The following BRINP1 variants were observed in gnomAD, a reference collection of about 807,000 sequenced individuals.
BRINP1 encodes the protein BMP/retinoic acid-inducible neural-specific protein 1.
Under a neutral mutation model 72.9 loss-of-function variants are expected in BRINP1, and 17 were observed. That is an observed-to-expected ratio of 0.23 (90% CI 0.16 to 0.35). BRINP1 has a LOEUF of 0.35. Ranked by LOEUF, BRINP1 falls within the 10% of genes least tolerant of loss-of-function variation. The pLI, the probability that BRINP1 is intolerant of heterozygous loss-of-function variation, is 1.00. For missense variants in BRINP1, 850 were observed against 1,001.6 expected (o/e 0.85, Z 2.04); for synonymous variants, 418 against 378.5 (o/e 1.10, Z -1.21).
chr9:119,309,093 A>T (rs1364220734), intron 2 of BRINP1, among the ~76,000 whole-genome samples: 4 of 152,214 alleles, frequency 2.6e-5, no homozygotes, highest in Non-Finnish European at 5.9e-5. Flanking sequence ...AACAACCAAC[A>T]TCTGAAGTGG....
Position 119,316,877 on chromosome 9 carries a change from G to A in BRINP1, c.-50-3472C>T, listed in dbSNP as rs143425801. On this transcript the variant is annotated intron_variant, in intron 1 of 7. Transcript: ENST00000265922. ...TCTTATTGAGAAATACATTTCATGA[G>A]GTCAAGAGATCGAGACTATCCTGGC... Among the ~76,000 whole-genome samples, 21 of 152,060 alleles carry A rather than the reference G, an allele frequency of 1.4e-4. No individual in the cohort carries two copies. The East Asian group carries it at 3.3e-3, about 24-fold the overall frequency.
rs56106482 is a variant in BRINP1 at position 119,206,419 on chromosome 9, C to CAAAA, written c.1145+2296_1145+2299dup. Among the ~76,000 whole-genome samples the CAAAA allele has an allele frequency of 2.6e-3, 230 of 87,080 alleles. 5 individuals carry two copies. Among genetic ancestry groups the CAAAA allele is most frequent in the African/African-American group, 9.0e-3 (207 of 23,038 alleles). The allele number at this position is 87,080 out of a possible 152,430, so 57.1% of individuals were successfully genotyped here. ...TGGGCAACAAAGCGAGACTCCATCT[C>CAAAA]AAAAAAAAAAAAAAAAAAAAAAGAG... is the stretch of plus-strand genomic sequence containing the variant. On this transcript the variant is annotated intron_variant, in intron 7 of 7. Transcript: ENST00000265922.
chr9:119,369,192 C>T lies in BRINP1; in HGVS notation c.-187G>A. ...GGACTGCAGGCGTGGGGGTACCTGG[C>T]TCCTAGCAGCCTGGCTCATACTCAG... On this transcript the variant is annotated 5_prime_UTR_variant, in exon 1 of 8. Transcript: ENST00000265922. 2.5e-6 allele frequency: 1 copy of T among 398,788 alleles called. No individual in the cohort carries two copies. Among genetic ancestry groups the T allele is most frequent in the Non-Finnish European group, 4.4e-6 (1 of 226,192 alleles). 24.7% of individuals were successfully genotyped at this position (398,788 alleles called of 1,614,324 possible).
chr9:119,261,051 C>T (rs960890349), intron 2 of BRINP1, among the ~76,000 whole-genome samples: 4 of 152,010 alleles, frequency 2.6e-5, no homozygotes, highest in Non-Finnish European at 5.9e-5. Flanking sequence ...CTCAAAATTA[C>T]ACTCAATAAA....
intron 2 of BRINP1, among the ~76,000 whole-genome samples, chr9:119,256,355 T>A (rs1276029275): frequency 6.6e-6 from 1 of 152,218 alleles, no homozygotes; most frequent in Non-Finnish European, 1.5e-5. Flanking sequence ...ACAATCATGC[T>A]CTTTTAAAAT....
In BRINP1 at chr9:119,364,964, T is replaced by A. The variant is rs141857254; in HGVS notation, c.-51+4092A>T. Among the ~76,000 whole-genome samples the A allele has an allele frequency of 2.5e-3, 379 of 152,330 alleles. 2 individuals are homozygous for A. Among genetic ancestry groups the A allele is most frequent in the African/African-American group, 8.6e-3 (357 of 41,572 alleles). ...TGAGAGACAGAGAGAGAGATGACAG[T>A]TGCTATTGAGATGCAACAGGAAATG... On this transcript the variant is annotated intron_variant, in intron 1 of 7. Coordinates refer to ENST00000265922, the MANE Select transcript of BRINP1 (RefSeq NM_014618.3).
intron 6 of BRINP1, among the ~76,000 whole-genome samples, chr9:119,212,949 C>G (rs558961770): frequency 6.6e-6 from 1 of 152,154 alleles, no homozygotes; most frequent in African/African-American, 2.4e-5. Context: ...TGTAGACAAT[C>G]TAACATCAAG....
At chr9:119,220,560 G>A (rs1206067175) in intron 5 of BRINP1, among the ~76,000 whole-genome samples, 2 of 152,070 alleles carry the variant, frequency 1.3e-5, no homozygotes, top group East Asian at 3.9e-4. Context: ...GAGGTTTAAT[G>A]CATGCTTCCC....
chr9:119,340,758 T>C (rs530163807), intron 1 of BRINP1, among the ~76,000 whole-genome samples: 10 of 152,320 alleles, frequency 6.6e-5, no homozygotes, highest in African/African-American at 2.2e-4. Flanking sequence ...TTGTGATTCA[T>C]GTTCATTCCT....
At chr9:119,200,773 G>C (rs545814366) in intron 7 of BRINP1, among the ~76,000 whole-genome samples, 1 of 152,132 alleles carries the variant, frequency 6.6e-6, no homozygotes, top group South Asian at 2.1e-4. Flanking sequence ...TCAATGCAGG[G>C]ACCATGTTCT....
chr9:119,224,108 A>G (rs1263585735), intron 5 of BRINP1, among the ~76,000 whole-genome samples: 1 of 152,106 alleles, frequency 6.6e-6, no homozygotes, highest in Non-Finnish European at 1.5e-5. Flanking sequence ...CCAGTTCTAT[A>G]CTGGATGCTA....
chr9:119,253,567 A>C (rs780609694), intron 2 of BRINP1, among the ~76,000 whole-genome samples: 2 of 152,156 alleles, frequency 1.3e-5, no homozygotes, highest in Non-Finnish European at 2.9e-5. Context: ...CCTCGTGAAG[A>C]TAGAGAGTGA....
intron 2 of BRINP1, among the ~76,000 whole-genome samples, chr9:119,259,147 A>G (rs1428758370): frequency 1.3e-5 from 2 of 152,158 alleles, no homozygotes; most frequent in Non-Finnish European, 2.9e-5. Flanking sequence ...TCCTTTCACA[A>G]AGACATTCTG....
chr9:119,318,827 G>T (rs1477044849), intron 1 of BRINP1, among the ~76,000 whole-genome samples: 1 of 143,748 alleles, frequency 7.0e-6, no homozygotes, highest in Admixed American at 7.4e-5. Flanking sequence ...GGTCATACAT[G>T]GAAGAGAAAT....
intron 5 of BRINP1, among the ~76,000 whole-genome samples, chr9:119,229,895 A>G (rs528186462): frequency 1.2e-4 from 18 of 152,226 alleles, no homozygotes; most frequent in Non-Finnish European, 2.5e-4. Flanking sequence ...CAGTGTCTAT[A>G]TATCAGTCTC....
intron 2 of BRINP1, among the ~76,000 whole-genome samples, chr9:119,299,114 CATTATT>C (rs533109867): frequency 3.3e-5 from 5 of 151,826 alleles, no homozygotes; most frequent in Non-Finnish European, 5.9e-5. Flanking sequence ...GTGTACAATC[CATTATT>C]ATTATTATTA....
intron 7 of BRINP1, among the ~76,000 whole-genome samples, chr9:119,180,473 C>T (rs1446359543): frequency 1.7e-5 from 2 of 116,858 alleles, no homozygotes; most frequent in Non-Finnish European, 3.3e-5. Flanking sequence ...GTGACTCTCT[C>T]TGTGCATGTG....
At chr9:119,324,139 C>A (rs1186202136) in intron 1 of BRINP1, among the ~76,000 whole-genome samples, 1 of 152,160 alleles carries the variant, frequency 6.6e-6, no homozygotes, top group Non-Finnish European at 1.5e-5. Flanking sequence ...AATTAAAACA[C>A]CTTGGTGCCC....
chr9:119,271,860 A>AT (rs893044667), intron 2 of BRINP1, among the ~76,000 whole-genome samples: 20 of 150,148 alleles, frequency 1.3e-4, no homozygotes, highest in East Asian at 2.0e-4. Flanking sequence ...TGAAACTACC[A>AT]TTTTTTTTTC....
Sources: allele counts gnomAD v4.1 joint callset (sites outside exome capture counted in the v4.1 genomes callset), GRCh38; gene constraint gnomAD v4.1.1; transcripts MANE v1.5; gene names NCBI Gene and HGNC (gene_info 2026-07-23, HGNC 2026-07-21).